The following UBE2E2 variants were observed in gnomAD, a reference collection of about 807,000 sequenced individuals.
UBE2E2 encodes ubiquitin-conjugating enzyme E2 E2.
Under a neutral mutation model 24.7 loss-of-function variants are expected in UBE2E2, and 6 were observed. The observed-to-expected ratio is 0.24, with a 90% CI of 0.13 to 0.48. The LOEUF is 0.48. Among genes scored for constraint, UBE2E2 ranks in the 20% least tolerant of loss-of-function variants. The pLI is 0.99. For synonymous variants in UBE2E2, 104 were observed against 83.6 expected (o/e 1.24, Z -1.33); for missense variants, 169 against 245.0 (o/e 0.69, Z 2.07).
At chr3:23,499,306 T>A (rs1699669739) in intron 3 of UBE2E2, among the ~76,000 whole-genome samples, 1 of 152,210 alleles carries the variant, frequency 6.6e-6, no homozygotes, top group Non-Finnish European at 1.5e-5. Flanking sequence ...CACAAATAAT[T>A]TCATGCTTTC....
intron 3 of UBE2E2, among the ~76,000 whole-genome samples, chr3:23,392,808 G>A (rs1350746382): frequency 6.6e-6 from 1 of 152,166 alleles, no homozygotes; most frequent in Non-Finnish European, 1.5e-5. Context: ...GACTTTCCTT[G>A]AGATATGATA....
intron 3 of UBE2E2, among the ~76,000 whole-genome samples, chr3:23,363,771 G>C (rs1048608611): frequency 1.3e-5 from 2 of 152,020 alleles, no homozygotes. Context: ...TTCAGAACCA[G>C]AGCTCAACAT....
chr3:23,277,325 A>C (rs965403020), intron 3 of UBE2E2, among the ~76,000 whole-genome samples: 2 of 152,182 alleles, frequency 1.3e-5, no homozygotes, highest in African/African-American at 4.8e-5. Flanking sequence ...AAGATCGGCT[A>C]CTGCCAGATG....
chr3:23,249,978 A>T (rs1697529187), intron 3 of UBE2E2, among the ~76,000 whole-genome samples: 2 of 152,218 alleles, frequency 1.3e-5, no homozygotes. Flanking sequence ...AAGAATACAT[A>T]TTCTTGAATG....
In UBE2E2 at chr3:23,280,311, GAGAGTCTTA is replaced by G. The variant is rs1342291199; in HGVS notation, c.227+63005_227+63013del. ...ACCCCTTAGTGTAATTTTTAGTGGTGAGAGTCTTAAGAGTACTAGTATTCTTTGGGAAAC... is the reference window on the plus strand; with the variant it reads ...ACCCCTTAGTGTAATTTTTAGTGGTGAGAGTACTAGTATTCTTTGGGAAAC... On this transcript the variant is annotated intron_variant, in intron 3 of 5. Transcript: ENST00000396703. The surrounding 1 kb of genome is among the most constrained non-coding windows in gnomAD (Gnocchi z 4.3). Among the ~76,000 whole-genome samples, 1 of 152,152 alleles carries G rather than the reference GAGAGTCTTA, an allele frequency of 6.6e-6. No homozygotes were observed. Among genetic ancestry groups the G allele is most frequent in the Non-Finnish European group, 1.5e-5 (1 of 68,030 alleles).
intron 3 of UBE2E2, among the ~76,000 whole-genome samples, chr3:23,396,760 A>T (rs1024461931): frequency 4.6e-5 from 7 of 152,182 alleles, no homozygotes; most frequent in Non-Finnish European, 2.9e-5. Context: ...CATAAAATAC[A>T]ACAACGTTTG....
chr3:23,463,795 A>G (rs376137011), intron 3 of UBE2E2, among the ~76,000 whole-genome samples: 3 of 152,156 alleles, frequency 2.0e-5, no homozygotes, highest in African/African-American at 2.4e-5. Flanking sequence ...ATTTATTCCA[A>G]TACAGTTCTA....
chr3:23,558,388 G>A lies in UBE2E2; in HGVS notation c.508+25687G>A, dbSNP rs1335786989. Reference sequence around the variant, plus strand: ...TTTATACACCTGGGCAAACATAGATGTACAGACATATCTTTATGTAGTTAT... The same window carrying A: ...TTTATACACCTGGGCAAACATAGATATACAGACATATCTTTATGTAGTTAT... On this transcript the variant is annotated intron_variant, in intron 5 of 5. Transcript: ENST00000396703. 3.3e-5 allele frequency among the ~76,000 whole-genome samples: 5 copies of A among 152,218 alleles called. No individual in the cohort carries two copies. In the East Asian group the frequency reaches 9.6e-4, roughly 29 times the overall value.
At chr3:23,556,453 T>TA (rs1321819270) in intron 5 of UBE2E2, among the ~76,000 whole-genome samples, 4 of 69,006 alleles carry the variant, frequency 5.8e-5, no homozygotes, top group African/African-American at 6.5e-5. Context: ...TAAAATTTAT[T>TA]TAAAAAAAAA....
At chr3:23,426,617 G>A (rs1327003255) in intron 3 of UBE2E2, among the ~76,000 whole-genome samples, 2 of 152,072 alleles carry the variant, frequency 1.3e-5, no homozygotes, top group Non-Finnish European at 2.9e-5. Flanking sequence ...AAAACTTCCA[G>A]CCAAAAATTC....
At chr3:23,546,096 T>C (rs1047088079) in intron 5 of UBE2E2, among the ~76,000 whole-genome samples, 2 of 152,198 alleles carry the variant, frequency 1.3e-5, no homozygotes, top group African/African-American at 2.4e-5. Flanking sequence ...TCTCAGACTT[T>C]ACCACTATAC....
At chr3:23,328,836 A>G (rs1694983629) in intron 3 of UBE2E2, among the ~76,000 whole-genome samples, 1 of 151,698 alleles carries the variant, frequency 6.6e-6, no homozygotes, top group African/African-American at 2.4e-5. Context: ...TGATTTTTAT[A>G]TTTTTTGTAG....
chr3:23,487,889 C>T (rs1398467413), intron 3 of UBE2E2, among the ~76,000 whole-genome samples: 1 of 151,930 alleles, frequency 6.6e-6, no homozygotes, highest in Non-Finnish European at 1.5e-5. Flanking sequence ...GTTGAATTGT[C>T]TTCCACTTCC....
At chr3:23,485,861 G>A (rs559730521) in intron 3 of UBE2E2, among the ~76,000 whole-genome samples, 3 of 152,310 alleles carry the variant, frequency 2.0e-5, no homozygotes, top group South Asian at 4.1e-4. Context: ...GGAAATTAGA[G>A]CCTTTAAAGA....
At chr3:23,238,201 A>G (rs1697168876) in intron 3 of UBE2E2, among the ~76,000 whole-genome samples, 1 of 152,188 alleles carries the variant, frequency 6.6e-6, no homozygotes, top group South Asian at 2.1e-4. Context: ...TAGTAGTAAG[A>G]TAATTCATCT....
chr3:23,402,733 A>G (rs1290520718), intron 3 of UBE2E2, among the ~76,000 whole-genome samples: 3 of 149,224 alleles, frequency 2.0e-5, no homozygotes, highest in African/African-American at 7.3e-5. Flanking sequence ...AGGAATATAT[A>G]GCAGTAGTAC....
At chr3:23,534,042 G>A (rs1695194790) in intron 5 of UBE2E2, 2 of 234,228 alleles carry the variant, frequency 8.5e-6, no homozygotes, top group Non-Finnish European at 1.4e-5. Flanking sequence ...TGTTCTTTCA[G>A]TCCTGTTGTT....
At chr3:23,535,132 A>G (rs2125487767) in intron 5 of UBE2E2, among the ~76,000 whole-genome samples, 1 of 152,326 alleles carries the variant, frequency 6.6e-6, no homozygotes, top group South Asian at 2.1e-4. Context: ...TATTAGTCAT[A>G]TCACATTGGA....
At chr3:23,546,937 A>G (rs1695538020) in intron 5 of UBE2E2, among the ~76,000 whole-genome samples, 1 of 152,188 alleles carries the variant, frequency 6.6e-6, no homozygotes, top group Non-Finnish European at 1.5e-5. Flanking sequence ...TATATATGCC[A>G]GTTATACATG....
Sources: gnomAD v4.1 joint callset for allele counts (sites outside exome capture counted in the v4.1 genomes callset) on GRCh38, gnomAD v4.1.1 for gene constraint, Gnocchi (gnomAD v3.1) non-coding constraint, MANE v1.5 for transcripts, NCBI Gene and HGNC (gene_info 2026-07-23, HGNC 2026-07-21) for gene names.